Variants in NAA25 observed in about 807,000 individuals in gnomAD.
NAA25 encodes the protein N-alpha-acetyltransferase 25, NatB auxiliary subunit.
In NAA25, 30 loss-of-function variants were observed where a neutral mutation model predicts 132.5. That is an observed-to-expected ratio of 0.23 (90% CI 0.17 to 0.31). The LOEUF (loss-of-function observed/expected upper bound fraction) is 0.31, where lower values mean the gene tolerates loss of function less well. NAA25 is among the 10% of genes least tolerant of loss of function. NAA25 has a pLI of 1.00. For missense variants in NAA25, 771 were observed against 1,150.4 expected (o/e 0.67, Z 4.77); for synonymous variants, 359 against 401.9 (o/e 0.89, Z 1.28).
At chr12:112,095,611 C>G (rs945422338) in intron 1 of NAA25, among the ~76,000 whole-genome samples, 1 of 103,130 alleles carries the variant, frequency 9.7e-6, no homozygotes, top group Non-Finnish European at 2.1e-5. Context: ...AAAACAAAAA[C>G]AAACAAACAA....
rs2136790102 is a variant in NAA25, at chr12:112,029,236, A to AAGATGTTTCTGGTGATGGGAACATCACC, written c.*294_*295insGGTGATGTTCCCATCACCAGAAACATCT. 1 of 335,580 alleles carries AAGATGTTTCTGGTGATGGGAACATCACC rather than the reference A, an allele frequency of 3.0e-6. No homozygotes were observed. The highest frequency in any genetic ancestry group is 4.8e-5 in the South Asian group (1 of 20,724). 20.8% of individuals were successfully genotyped at this position (335,580 alleles called of 1,614,324 possible). A position where few individuals can be genotyped will look rare whatever the true frequency, so the allele number is the denominator to read the frequency against. The stretch of plus-strand genomic sequence containing the variant: ...TTTATAGACCCCCCGCTCCCCTGAA[A>AAGATGTTTCTGGTGATGGGAACATCACC]AGATGTTTCTGGTGATGGGAAGAAG... On this transcript the variant is annotated 3_prime_UTR_variant, in exon 24 of 24. Transcript: ENST00000261745.
At position 112,043,172 on chromosome 12, in the gene NAA25, A is replaced by T. The variant is rs2078326744; in HGVS notation, c.2290T>A (p.Phe764Ile). 6.2e-7 allele frequency: 1 copy of T among 1,613,256 alleles called. No individual in the cohort carries two copies. The highest frequency in any genetic ancestry group is 1.3e-5 in the African/African-American group (1 of 74,894). Residue 764 changes from phenylalanine (F) to isoleucine (I), a missense_variant, in exon 19 of 24, where the codon TTC becomes ATC. Around this residue, in one of 3 missense-constraint regions of NAA25, gnomAD observed 324 missense variants for 400.0 expected, o/e 0.81. Coordinates refer to ENST00000261745, the MANE Select transcript of NAA25 (RefSeq NM_024953.4). ...CACTGAGAACAGCCAGAATTAAAGA[A>T]TCCACCCATTCTGGTAGGTACAGGA... The part of the protein sequence containing the change: ...LGPVPTRMGG[F>I]FNSGCSQCQI...
chr12:112,103,856 G>A lies in NAA25; in HGVS notation c.58+4860C>T, dbSNP rs182406042. Among the ~76,000 whole-genome samples the A allele has an allele frequency of 9.9e-4, 150 of 152,214 alleles. 1 individual carries two copies. Among genetic ancestry groups the A allele is most frequent in the African/African-American group, 3.1e-3 (128 of 41,540 alleles). ...GAGTCTCATAAGGAGCGCCAACCTCGATTCCTCACATGCATAGTTCACAAC... is the reference window on the plus strand; with the variant it reads ...GAGTCTCATAAGGAGCGCCAACCTCAATTCCTCACATGCATAGTTCACAAC... On this transcript the variant is annotated intron_variant, in intron 1 of 23. Transcript: ENST00000261745.
intron 11 of NAA25, among the ~76,000 whole-genome samples, chr12:112,067,320 G>A (rs956341103): frequency 6.6e-6 from 1 of 152,160 alleles, no homozygotes; most frequent in South Asian, 2.1e-4. Flanking sequence ...TACAGACTGG[G>A]AGAATACATT....
chr12:112,089,594 T>G (rs1345711186), intron 3 of NAA25, among the ~76,000 whole-genome samples: 1 of 152,076 alleles, frequency 6.6e-6, no homozygotes, highest in Non-Finnish European at 1.5e-5. Flanking sequence ...AAACTAATAA[T>G]GTATTACTAA....
At chr12:112,106,814 A>G (rs2079367546) in intron 1 of NAA25, among the ~76,000 whole-genome samples, 1 of 151,944 alleles carries the variant, frequency 6.6e-6, no homozygotes, top group South Asian at 2.1e-4. Flanking sequence ...ATTAGCCGGC[A>G]TGGTGGCGGG....
intron 16 of NAA25, 42 bp downstream of exon 16, chr12:112,048,250 T>C (rs764346323): frequency 6.3e-7 from 1 of 1,585,230 alleles, no homozygotes. Context: ...TAACAACTGA[T>C]CTAATCCCTT....
rs1225759260 is a variant in NAA25, at chr12:112,028,845, C to T, written c.*686G>A. 6.6e-6 allele frequency: 1 copy of T among 152,166 alleles called. No individual in the cohort carries two copies. The highest frequency in any genetic ancestry group is 6.6e-5 in the Admixed American group (1 of 15,260). 9.4% of individuals were successfully genotyped at this position (152,166 alleles called of 1,614,324 possible). A position where few individuals can be genotyped will look rare whatever the true frequency, so the allele number is the denominator to read the frequency against. ...CTATAAATTAACAGAGCCTTCCTTG[C>T]CTTCTTACCTGAGATTTTTAACTCT... On this transcript the variant is annotated 3_prime_UTR_variant, in exon 24 of 24. Coordinates refer to ENST00000261745, the MANE Select transcript of NAA25 (RefSeq NM_024953.4).
chr12:112,081,197 G>A, intron 4 of NAA25, 63 bp from the exon 5 acceptor site: 1 of 1,365,246 alleles, frequency 7.3e-7, no homozygotes, highest in Admixed American at 2.0e-5. Context: ...TAATGATCTA[G>A]ATACACGACA....
At chr12:112,064,391 T>G (rs2136867723) in intron 11 of NAA25, 2 of 152,120 alleles carry the variant, frequency 1.3e-5, no homozygotes, top group South Asian at 4.2e-4. Flanking sequence ...CCACCACACC[T>G]GGCTAATTTT....
At chr12:112,087,204 A>C (rs2079069703) in intron 4 of NAA25, among the ~76,000 whole-genome samples, 1 of 150,266 alleles carries the variant, frequency 6.7e-6, no homozygotes, top group Non-Finnish European at 1.5e-5. Context: ...AAACCAAAAA[A>C]CAAAAAACAA....
intron 18 of NAA25, 89 bp from the exon 19 acceptor site, chr12:112,043,300 T>C: frequency 7.2e-7 from 1 of 1,382,126 alleles, no homozygotes; most frequent in African/African-American, 1.5e-5. Flanking sequence ...GATAAAAACC[T>C]GTCTCAGCGG....
chr12:112,094,255 A>AG (rs1431882031), intron 1 of NAA25, among the ~76,000 whole-genome samples: 2 of 151,312 alleles, frequency 1.3e-5, no homozygotes, highest in African/African-American at 4.8e-5. Flanking sequence ...AAAAAAAAAA[A>AG]AAAAAAAGAA....
At chr12:112,064,139 C>T (rs573575045) in intron 11 of NAA25, 1 of 152,262 alleles carries the variant, frequency 6.6e-6, no homozygotes, top group South Asian at 2.1e-4. Context: ...CTTCAATTTA[C>T]CTATAATTCT....
chr12:112,091,753 G>A (rs1472348210), intron 2 of NAA25, among the ~76,000 whole-genome samples: 3 of 151,062 alleles, frequency 2.0e-5, no homozygotes, highest in Non-Finnish European at 4.4e-5. Context: ...TCCCAGCTAT[G>A]CAGGAGGCTG....
At chr12:112,094,582 AG>A (rs772160132) in intron 1 of NAA25, among the ~76,000 whole-genome samples, 5 of 152,184 alleles carry the variant, frequency 3.3e-5, no homozygotes, top group Non-Finnish European at 5.9e-5. Context: ...AATAAGAGAA[AG>A]TTTTACCCAT....
chr12:112,089,813 G>T (rs571528679), intron 3 of NAA25, among the ~76,000 whole-genome samples: 1 of 151,952 alleles, frequency 6.6e-6, no homozygotes, highest in South Asian at 2.1e-4. Context: ...GGCCAACATG[G>T]TGAAACCCGT....
At chr12:112,108,662 C>T (rs1241659777) in intron 1 of NAA25, 54 bp downstream of exon 1, 2 of 1,406,142 alleles carry the variant, frequency 1.4e-6, no homozygotes, top group East Asian at 3.0e-5. Context: ...TCGCCCCAGC[C>T]TCGGCAGCCC....
chr12:112,083,565 A>G (rs2079001883), intron 4 of NAA25, among the ~76,000 whole-genome samples: 1 of 152,014 alleles, frequency 6.6e-6, no homozygotes, highest in African/African-American at 2.4e-5. Context: ...CAGAATAAAC[A>G]TGATCTAGAG....
Sources: allele counts gnomAD v4.1 joint callset (sites outside exome capture counted in the v4.1 genomes callset), GRCh38; gene constraint gnomAD v4.1.1; regional missense constraint gnomAD v4.1.1; transcripts MANE v1.5; gene names NCBI Gene and HGNC (gene_info 2026-07-23, HGNC 2026-07-21).